The following N4BP2 variants were observed in gnomAD, a reference collection of about 807,000 sequenced individuals.
The protein encoded by N4BP2 is NEDD4-binding protein 2.
Under a neutral mutation model 152.8 loss-of-function variants are expected in N4BP2, and 91 were observed. The ratio of observed to expected loss-of-function variants is 0.60; its 90% CI spans 0.50 to 0.71. The LOEUF (loss-of-function observed/expected upper bound fraction) is 0.71. Among genes scored for constraint, N4BP2 ranks in the 30% least tolerant of loss-of-function variants. N4BP2 has a pLI of 0.00. For missense variants in N4BP2, 1,923 were observed against 2,059.1 expected (o/e 0.93, Z 1.28); for synonymous variants, 646 against 705.3 (o/e 0.92, Z 1.33).
chr4:40,105,016 A>G (rs1019112538), intron 4 of N4BP2, among the ~76,000 whole-genome samples: 2 of 151,958 alleles, frequency 1.3e-5, no homozygotes, highest in Admixed American at 1.3e-4. Flanking sequence ...GTTAGCCGGG[A>G]TGGTCTTGAT....
chr4:40,181,516 G>C, the N4BP2 span, among the ~76,000 whole-genome samples: 1 of 152,192 alleles, frequency 6.6e-6, no homozygotes. Flanking sequence ...AGAGGTAGGT[G>C]CTCCAAGGCT....
the N4BP2 span, among the ~76,000 whole-genome samples, chr4:40,178,004 A>G: frequency 6.6e-6 from 1 of 152,124 alleles, no homozygotes; most frequent in Non-Finnish European, 1.5e-5. Context: ...AAAAACAAAA[A>G]CAAAAAAACA....
At chr4:40,178,596 C>T in the N4BP2 span, among the ~76,000 whole-genome samples, 3 of 152,192 alleles carry the variant, frequency 2.0e-5, no homozygotes, top group Non-Finnish European at 4.4e-5. Context: ...AAAACAATCA[C>T]CACTCTTGGT....
intron 14 of N4BP2, among the ~76,000 whole-genome samples, chr4:40,140,562 T>G (rs551675638): frequency 1.3e-5 from 2 of 152,224 alleles, no homozygotes; most frequent in African/African-American, 4.8e-5. Flanking sequence ...ATTCTGGAAA[T>G]TATTTTTGCA....
chr4:40,123,353 TGA>T (rs1718109441), intron 10 of N4BP2, 141 bp downstream of exon 10: 3 of 541,778 alleles, frequency 5.5e-6, no homozygotes, highest in Non-Finnish European at 6.6e-6. Flanking sequence ...ATTTTGACTT[TGA>T]GAGAGAATGA....
At chr4:40,179,764 T>C in the N4BP2 span, among the ~76,000 whole-genome samples, 2,096 of 147,266 alleles carry the variant, frequency 0.014, 33 homozygotes, top group Middle Eastern at 0.045. Flanking sequence ...CCTTTCTTTT[T>C]TTTTTTTTTT....
In N4BP2 at chr4:40,154,345, A is replaced by G; in HGVS notation, c.*108A>G. 1 of 645,040 alleles carries G rather than the reference A, an allele frequency of 1.6e-6. No homozygotes were observed. Among genetic ancestry groups the G allele is most frequent in the East Asian group, 3.2e-5 (1 of 30,900 alleles). 40.0% of individuals were successfully genotyped at this position (645,040 alleles called of 1,614,324 possible). ...AAAGATGTGTTTTATTATAAATAAT[A>G]TTCAATTATGAAACAAAAAAATTAT... On this transcript the variant is annotated 3_prime_UTR_variant, in exon 18 of 18. Transcript: ENST00000261435.
At position 40,057,853 on chromosome 4, in the gene N4BP2, C is replaced by G. The variant is rs1180248680; in HGVS notation, c.-212+823C>G. Among the ~76,000 whole-genome samples the G allele has an allele frequency of 5.3e-5, 8 of 152,224 alleles. No homozygotes were observed. The East Asian group carries it at 1.5e-3, about 29-fold the overall frequency. ...AGTGTCAGTGTTGGCTTCAAAGGCT[C>G]TTCCTTTCGGCGGCAGTCTTTGTAA... On this transcript the variant is annotated intron_variant, in intron 1 of 17. Transcript: ENST00000261435.
downstream of N4BP2, among the ~76,000 whole-genome samples, chr4:40,160,422 T>C (rs1721827430): frequency 6.6e-6 from 1 of 152,202 alleles, no homozygotes; most frequent in Non-Finnish European, 1.5e-5. Context: ...GGTGATGGGC[T>C]AGTGATATGT....
In N4BP2 at chr4:40,123,110, C is replaced by A. The variant is rs986190063; in HGVS notation, c.4199-17C>A. On this transcript the variant is annotated splice_polypyrimidine_tract_variant and intron_variant, in intron 9 of 17. Coordinates refer to ENST00000261435, the MANE Select transcript of N4BP2 (RefSeq NM_018177.6). ...GAGTAATGATTACATTTTCTTCCCT[C>A]CCCCTTCCCCCACAAGGGTCTCTAA... 1 of 1,539,340 alleles carries A rather than the reference C, an allele frequency of 6.5e-7. No homozygotes were observed. Among genetic ancestry groups the A allele is most frequent in the Non-Finnish European group, 8.9e-7 (1 of 1,120,228 alleles).
chr4:40,105,080 G>A (rs574436986), intron 4 of N4BP2, among the ~76,000 whole-genome samples: 53 of 152,274 alleles, frequency 3.5e-4, no homozygotes, highest in African/African-American at 9.9e-4. Context: ...GGGATTACAG[G>A]CGTGAGCCAC....
At chr4:40,170,386 A>G in the N4BP2 span, among the ~76,000 whole-genome samples, 1 of 152,100 alleles carries the variant, frequency 6.6e-6, no homozygotes, top group Admixed American at 6.6e-5. Context: ...TGGGAGACTG[A>G]CGCAGGCAGA....
the N4BP2 span, among the ~76,000 whole-genome samples, chr4:40,177,247 A>T: frequency 6.6e-6 from 1 of 152,160 alleles, no homozygotes; most frequent in Admixed American, 6.5e-5. Context: ...TCTTTGGGAG[A>T]TAACAGGTGA....
At chr4:40,186,001 G>A in the N4BP2 span, among the ~76,000 whole-genome samples, 3 of 152,050 alleles carry the variant, frequency 2.0e-5, no homozygotes, top group Non-Finnish European at 2.9e-5. Flanking sequence ...TTATTTTTGA[G>A]TACTCCTTTA....
chr4:40,089,834 G>T (rs1714359999), intron 2 of N4BP2, among the ~76,000 whole-genome samples: 1 of 152,128 alleles, frequency 6.6e-6, no homozygotes, highest in Non-Finnish European at 1.5e-5. Flanking sequence ...CACAAGGAGA[G>T]ATTTTCCCCT....
At chr4:40,135,054 TG>T (rs1210426401) in intron 13 of N4BP2, among the ~76,000 whole-genome samples, 6 of 150,090 alleles carry the variant, frequency 4.0e-5, no homozygotes, top group African/African-American at 1.5e-4. Flanking sequence ...CCCACTAACT[TG>T]TCATCTAGCA....
intron 1 of N4BP2, among the ~76,000 whole-genome samples, chr4:40,063,964 A>G (rs1461488931): frequency 6.7e-6 from 1 of 150,374 alleles, no homozygotes; most frequent in Non-Finnish European, 1.5e-5. Context: ...ATTTATTTAG[A>G]GAGATTGGTG....
intron 3 of N4BP2, among the ~76,000 whole-genome samples, chr4:40,101,232 C>T (rs1478579843): frequency 1.3e-5 from 2 of 152,214 alleles, no homozygotes; most frequent in East Asian, 3.8e-4. Flanking sequence ...TCTCTGCTCA[C>T]TACCACCTCT....
At chr4:40,137,319 A>G (rs1441591360) in intron 14 of N4BP2, among the ~76,000 whole-genome samples, 2 of 152,194 alleles carry the variant, frequency 1.3e-5, no homozygotes, top group African/African-American at 2.4e-5. Context: ...CAACTTCTGT[A>G]TAGTCTGACA....
Sources: allele counts gnomAD v4.1 joint callset (sites outside exome capture counted in the v4.1 genomes callset), GRCh38; gene constraint gnomAD v4.1.1; transcripts MANE v1.5; gene names NCBI Gene and HGNC (gene_info 2026-07-23, HGNC 2026-07-21).